ARHGAP6: variants seen among roughly 807,000 people sequenced by gnomAD.
ARHGAP6 encodes the protein rho GTPase-activating protein 6.
A neutral mutation model predicts 55.7 loss-of-function variants in ARHGAP6; 16 were observed. The ratio of observed to expected loss-of-function variants is 0.29; its 90% CI spans 0.19 to 0.44. ARHGAP6 has a LOEUF of 0.44. Among genes scored for constraint, ARHGAP6 ranks in the 20% least tolerant of loss-of-function variants. The probability of loss-of-function intolerance (pLI) is 1.00; values close to 1 mark genes in which losing one functional copy is unlikely to be tolerated. For missense variants in ARHGAP6, 698 were observed against 808.9 expected, an observed-to-expected ratio of 0.86 and a Z score of 1.66; for synonymous variants, 382 against 360.9, an observed-to-expected ratio of 1.06 and a Z score of -0.66.
At chrX:11,388,522 G>C (rs1408988919) in intron 1 of ARHGAP6, among the ~76,000 whole-genome samples, 2 of 111,880 alleles carry the variant, frequency 1.8e-5, no homozygotes, top group Admixed American at 1.9e-4. Flanking sequence ...CACTCTGATG[G>C]TATTTTCTCT....
intron 1 of ARHGAP6, among the ~76,000 whole-genome samples, chrX:11,590,877 A>AAGAAAAGAAAAGAAAAG (rs1569411019): frequency 1.5e-5 from 1 of 67,321 alleles, no homozygotes; most frequent in Admixed American, 1.6e-4. Context: ...AAGGAAAGAA[A>AAGAAAAGAAAAGAAAAG]GAAAGAAAGA....
chrX:11,275,766 A>C (rs1038333007), intron 1 of ARHGAP6, among the ~76,000 whole-genome samples: 40 of 111,571 alleles, frequency 3.6e-4, no homozygotes, highest in African/African-American at 1.3e-3. Context: ...AATTTCAGCC[A>C]CATGGAAGAG....
intron 1 of ARHGAP6, among the ~76,000 whole-genome samples, chrX:11,285,030 C>G (rs911445588): frequency 1.8e-5 from 2 of 111,490 alleles, no homozygotes; most frequent in East Asian, 5.6e-4. Flanking sequence ...CCACAGCACA[C>G]CTTGGACAGG....
chrX:11,189,720 A>G (rs1217086818), intron 3 of ARHGAP6, among the ~76,000 whole-genome samples: 1 of 112,125 alleles, frequency 8.9e-6, no homozygotes, highest in African/African-American at 3.2e-5. Flanking sequence ...TAAATCCTTT[A>G]GTAAGGAGAA....
chrX:11,411,533 C>T (rs1445817939), intron 1 of ARHGAP6, among the ~76,000 whole-genome samples: 1 of 108,871 alleles, frequency 9.2e-6, no homozygotes, highest in African/African-American at 3.3e-5. Flanking sequence ...TTTAGAAAGT[C>T]GAGTTTCTTA....
chrX:11,450,096 G>A (rs758490066), intron 1 of ARHGAP6, among the ~76,000 whole-genome samples: 91 of 111,622 alleles, frequency 8.2e-4, no homozygotes, highest in African/African-American at 2.8e-3. Context: ...GCTCCTTTAA[G>A]GGAGAGCTTC....
At chrX:11,602,172 A>AAT (rs768156332) in intron 1 of ARHGAP6, among the ~76,000 whole-genome samples, 1 of 111,538 alleles carries the variant, frequency 9.0e-6, no homozygotes, top group South Asian at 3.8e-4. Context: ...ATGCTTCATA[A>AAT]ATATATATAT....
intron 2 of ARHGAP6, among the ~76,000 whole-genome samples, chrX:11,243,107 C>T (rs2047306331): frequency 9.9e-6 from 1 of 100,740 alleles, no homozygotes; most frequent in Admixed American, 1.0e-4. Context: ...AGGCACTGTG[C>T]TAGACGCTAA....
intron 1 of ARHGAP6, among the ~76,000 whole-genome samples, chrX:11,632,853 G>A (rs1378839306): frequency 8.9e-6 from 1 of 111,991 alleles, no homozygotes; most frequent in Non-Finnish European, 1.9e-5. Flanking sequence ...TCCATCCCTT[G>A]GCTTTTGTGG....
chrX:11,635,244 T>G (rs866728516), intron 1 of ARHGAP6, among the ~76,000 whole-genome samples: 2 of 112,094 alleles, frequency 1.8e-5, no homozygotes, highest in Non-Finnish European at 3.8e-5. Flanking sequence ...AGGCTGTGAA[T>G]GCCAGAAGGC....
intron 1 of ARHGAP6, among the ~76,000 whole-genome samples, chrX:11,567,097 C>T (rs1422461175): frequency 8.9e-6 from 1 of 112,019 alleles, no homozygotes; most frequent in Admixed American, 9.5e-5. Flanking sequence ...TTGGTGACAA[C>T]ACCGATCAAC....
chrX:11,351,702 A>C (rs2048865516), intron 1 of ARHGAP6: 1 of 416,854 alleles, frequency 2.4e-6, no homozygotes, highest in Non-Finnish European at 3.0e-6. Flanking sequence ...CTGTGCTATT[A>C]ATACTAGGCT....
At chrX:11,544,034 CT>C (rs1486093421) in intron 1 of ARHGAP6, among the ~76,000 whole-genome samples, 1 of 112,310 alleles carries the variant, frequency 8.9e-6, no homozygotes, top group African/African-American at 3.2e-5. Flanking sequence ...TGTAATTCAA[CT>C]TTTGATTATT....
At chrX:11,312,531 T>C (rs1043480436) in intron 1 of ARHGAP6, among the ~76,000 whole-genome samples, 2 of 111,069 alleles carry the variant, frequency 1.8e-5, no homozygotes, top group Admixed American at 9.6e-5. Flanking sequence ...CTCAGGGTCA[T>C]CTCAAACTTC....
intron 9 of ARHGAP6, among the ~76,000 whole-genome samples, chrX:11,160,293 C>CAA (rs374632680): frequency 1.1e-4 from 10 of 90,033 alleles, no homozygotes; most frequent in African/African-American, 3.2e-4. Context: ...ACTAAAAATA[C>CAA]AAAAAAAAAA....
At chrX:11,302,742 A>G (rs1450345403) in intron 1 of ARHGAP6, among the ~76,000 whole-genome samples, 9 of 110,976 alleles carry the variant, frequency 8.1e-5, no homozygotes, top group African/African-American at 2.3e-4. Context: ...TTCCATTACA[A>G]TCATTTAGAG....
At chrX:11,462,925 C>T (rs1362062653) in intron 1 of ARHGAP6, among the ~76,000 whole-genome samples, 2 of 112,574 alleles carry the variant, frequency 1.8e-5, no homozygotes, top group Non-Finnish European at 3.8e-5. Context: ...GTGGCGAGAC[C>T]CTTGAAAGTA....
chrX:11,498,995 G>A (rs762546162), intron 1 of ARHGAP6, among the ~76,000 whole-genome samples: 11 of 111,872 alleles, frequency 9.8e-5, no homozygotes, highest in Non-Finnish European at 1.7e-4. Flanking sequence ...AGGGTCTCTG[G>A]TAACTTCCAA....
chrX:11,420,846 C>A (rs2049815044), intron 1 of ARHGAP6, among the ~76,000 whole-genome samples: 1 of 112,040 alleles, frequency 8.9e-6, no homozygotes. Context: ...ATTATAACTT[C>A]TAATTTTAGG....
Sources: gnomAD v4.1 joint callset for allele counts (sites outside exome capture counted in the v4.1 genomes callset) on GRCh38, gnomAD v4.1.1 for gene constraint, MANE v1.5 for transcripts, NCBI Gene and HGNC (gene_info 2026-07-23, HGNC 2026-07-21) for gene names.